WIF1: variants seen among roughly 807,000 people sequenced by gnomAD.
WIF1 encodes Wnt inhibitory factor 1.
WIF1 carries 35 observed loss-of-function variants against 53.5 expected under a neutral mutation model. That is an observed-to-expected ratio of 0.65 (90% confidence interval 0.50 to 0.87). The LOEUF (loss-of-function observed/expected upper bound fraction) is 0.87. Among genes scored for constraint, WIF1 ranks in the 40% least tolerant of loss-of-function variants. The pLI, the probability that WIF1 is intolerant of heterozygous loss-of-function variation, is 0.00. For missense variants in WIF1, 467 were observed against 476.8 expected (o/e 0.98, Z 0.19); for synonymous variants, 171 against 170.4 (o/e 1.00, Z -0.03).
intron 7 of WIF1, among the ~76,000 whole-genome samples, chr12:65,056,896 C>T (rs554419820): frequency 2.0e-5 from 3 of 152,218 alleles, no homozygotes; most frequent in South Asian, 4.2e-4. Flanking sequence ...GTGATCCCCC[C>T]ACCTCAACCT....
chr12:65,109,718 A>G (rs1452084952), intron 2 of WIF1, among the ~76,000 whole-genome samples: 1 of 152,236 alleles, frequency 6.6e-6, no homozygotes, highest in Non-Finnish European at 1.5e-5. Context: ...AAATATGTGC[A>G]TAAGTGTTCT....
At chr12:65,115,213 T>C (rs1883491131) in intron 2 of WIF1, among the ~76,000 whole-genome samples, 1 of 148,972 alleles carries the variant, frequency 6.7e-6, no homozygotes, top group Non-Finnish European at 1.5e-5. Context: ...TCAAAAGGGA[T>C]GCCCTATTAA....
intron 2 of WIF1, among the ~76,000 whole-genome samples, chr12:65,082,036 C>A (rs1882958380): frequency 6.6e-6 from 1 of 152,146 alleles, no homozygotes; most frequent in Admixed American, 6.5e-5. Flanking sequence ...TTATGAACTA[C>A]AGAGTAAATA....
At chr12:65,065,177 A>G (rs999065891) in intron 6 of WIF1, among the ~76,000 whole-genome samples, 1 of 152,178 alleles carries the variant, frequency 6.6e-6, no homozygotes, top group Non-Finnish European at 1.5e-5. Context: ...GCTTTCACAT[A>G]TTATCTCAAT....
chr12:65,092,607 T>C (rs1411223525), intron 2 of WIF1, among the ~76,000 whole-genome samples: 1 of 151,260 alleles, frequency 6.6e-6, no homozygotes, highest in African/African-American at 2.4e-5. Context: ...TGGAATAAAG[T>C]GAGAGAGCAA....
At chr12:65,103,692 C>A (rs1312960605) in intron 2 of WIF1, among the ~76,000 whole-genome samples, 1 of 151,998 alleles carries the variant, frequency 6.6e-6, no homozygotes, top group Non-Finnish European at 1.5e-5. Context: ...GTAGGCCTAC[C>A]CTTGTGTAAT....
At chr12:65,067,838 T>C in intron 4 of WIF1, 48 bp from the exon 5 acceptor site, 1 of 1,547,838 alleles carries the variant, frequency 6.5e-7, no homozygotes, top group Non-Finnish European at 8.9e-7. Context: ...TGAAATCATG[T>C]TGGGTGAATC....
chr12:65,116,527 G>A (rs1265140833), intron 2 of WIF1, among the ~76,000 whole-genome samples: 1 of 151,878 alleles, frequency 6.6e-6, no homozygotes, highest in Non-Finnish European at 1.5e-5. Flanking sequence ...ACATTATGGC[G>A]AGTTGTATAA....
intron 2 of WIF1, among the ~76,000 whole-genome samples, chr12:65,081,197 G>C (rs1427013053): frequency 2.0e-5 from 3 of 151,926 alleles, no homozygotes; most frequent in African/African-American, 7.3e-5. Flanking sequence ...ATAATTCTCT[G>C]ATCATAGATA....
At chr12:65,074,454 T>C (rs144264792) in intron 3 of WIF1, among the ~76,000 whole-genome samples, 7 of 152,152 alleles carry the variant, frequency 4.6e-5, no homozygotes, top group South Asian at 4.1e-4. Context: ...TATGTACTTA[T>C]TTTATTCTGA....
chr12:65,066,618 T>G, intron 6 of WIF1, 23 bp downstream of exon 6: 1 of 1,580,868 alleles, frequency 6.3e-7, no homozygotes, highest in Non-Finnish European at 8.6e-7. Flanking sequence ...AAAATAACTT[T>G]CTTCTTAAAA....
Position 65,081,518 on chromosome 12 carries a change from G to T in WIF1, c.289-3664C>A, listed in dbSNP as rs531923405. On this transcript the variant is annotated intron_variant, in intron 2 of 9. Coordinates refer to ENST00000286574, the MANE Select transcript of WIF1 (RefSeq NM_007191.5). ...CGACTGCTTCACATGATGCAGCTAG[G>T]CTTAATAGATTTCTCTGGACACCCA... 7.9e-5 allele frequency among the ~76,000 whole-genome samples: 12 copies of T among 152,234 alleles called. No individual in the cohort carries two copies. The East Asian group carries it at 2.3e-3, about 29-fold the overall frequency.
chr12:65,099,720 T>G (rs1883252358), intron 2 of WIF1, among the ~76,000 whole-genome samples: 1 of 152,216 alleles, frequency 6.6e-6, no homozygotes, highest in African/African-American at 2.4e-5. Flanking sequence ...GAGCGCTGAT[T>G]AGCAAGTTTA....
intron 6 of WIF1, among the ~76,000 whole-genome samples, chr12:65,063,828 C>G (rs1882649212): frequency 6.6e-6 from 1 of 151,918 alleles, no homozygotes; most frequent in Non-Finnish European, 1.5e-5. Flanking sequence ...TTCTTCCTGC[C>G]TCAGCCTCCC....
intron 2 of WIF1, among the ~76,000 whole-genome samples, chr12:65,117,541 G>A (rs1176614684): frequency 1.3e-5 from 2 of 152,060 alleles, no homozygotes; most frequent in African/African-American, 2.4e-5. Flanking sequence ...CCATGGACCG[G>A]GCGGTGGAGG....
Position 65,104,819 on chromosome 12 carries a change from A to C in WIF1, c.288+15598T>G, listed in dbSNP as rs552240259. On this transcript the variant is annotated intron_variant, in intron 2 of 9. Coordinates refer to ENST00000286574, the MANE Select transcript of WIF1 (RefSeq NM_007191.5). ...AAGTAAGTAAATTTCTAATTCTAGC[A>C]ATCAACTCTTTTCTCATTAGAGCAT... Among the ~76,000 whole-genome samples the C allele has an allele frequency of 4.6e-5, 7 of 152,340 alleles. No homozygotes were observed. In the South Asian group the frequency reaches 1.5e-3, roughly 32 times the overall value.
At chr12:65,073,797 G>C (rs969028) in intron 3 of WIF1, among the ~76,000 whole-genome samples, 29,843 of 152,144 alleles carry the variant, frequency 0.2, 3,229 homozygotes, top group Non-Finnish European at 0.25. Context: ...GCTCTGCAAT[G>C]GTGTAAGGTT....
At chr12:65,068,457 A>G (rs1487518147) in intron 4 of WIF1, among the ~76,000 whole-genome samples, 1 of 152,154 alleles carries the variant, frequency 6.6e-6, no homozygotes, top group Non-Finnish European at 1.5e-5. Context: ...GGTGAGATAC[A>G]CTGGGACTCC....
chr12:65,071,251 AAAAG>A (rs60739613), intron 3 of WIF1, among the ~76,000 whole-genome samples: 4,265 of 150,018 alleles, frequency 0.028, 124 homozygotes, highest in African/African-American at 0.077. Flanking sequence ...AAAAAAAAAA[AAAAG>A]GAAAGAAAGA....
Sources: gnomAD v4.1 joint callset for allele counts (sites outside exome capture counted in the v4.1 genomes callset) on GRCh38, gnomAD v4.1.1 for gene constraint, MANE v1.5 for transcripts, NCBI Gene and HGNC (gene_info 2026-07-23, HGNC 2026-07-21) for gene names.